Variants in PTPRG observed in about 807,000 individuals in gnomAD.
PTPRG encodes protein tyrosine phosphatase receptor type G.
A neutral mutation model predicts 165.3 loss-of-function variants in PTPRG; 102 were observed. The observed-to-expected ratio is 0.62, with a 90% CI of 0.53 to 0.73. The LOEUF is 0.73. Among genes scored for constraint, PTPRG ranks in the 30% least tolerant of loss-of-function variants. The pLI is 0.00. For missense variants in PTPRG, 1,866 were observed against 1,861.4 expected (o/e 1.00, Z -0.05); for synonymous variants, 675 against 669.5 (o/e 1.01, Z -0.13).
rs1701520403 is a variant in PTPRG, at chr3:62,255,630, T to C, written c.2559+415T>C. On this transcript the variant is annotated intron_variant, in intron 16 of 29. Transcript: ENST00000474889. The surrounding 1 kb of genome is among the most constrained non-coding windows in gnomAD (Gnocchi z 4.0). ...AACTGGGTGCTGGCTTCATCAGTAGTGAGCTTCATAATCCTCAGACCAATC... is the reference window on the plus strand; with the variant it reads ...AACTGGGTGCTGGCTTCATCAGTAGCGAGCTTCATAATCCTCAGACCAATC... Among the ~76,000 whole-genome samples, 1 of 152,140 alleles carries C rather than the reference T, an allele frequency of 6.6e-6. No individual in the cohort carries two copies. Among genetic ancestry groups the C allele is most frequent in the Admixed American group, 6.6e-5 (1 of 15,258 alleles).
At chr3:62,253,818 G>T (rs1180256328) in intron 15 of PTPRG, among the ~76,000 whole-genome samples, 1 of 152,142 alleles carries the variant, frequency 6.6e-6, no homozygotes, top group African/African-American at 2.4e-5. Flanking sequence ...CTATTAACAT[G>T]ATTAGGACTT....
chr3:62,206,776 TACA>T (rs1472157777), intron 12 of PTPRG, among the ~76,000 whole-genome samples: 4 of 151,086 alleles, frequency 2.6e-5, no homozygotes, highest in African/African-American at 9.7e-5. Context: ...CTAGAAAAAA[TACA>T]ACAATTAGCA....
At chr3:61,907,319 G>C (rs1030767479) in intron 2 of PTPRG, among the ~76,000 whole-genome samples, 1 of 152,026 alleles carries the variant, frequency 6.6e-6, no homozygotes, top group African/African-American at 2.4e-5. Context: ...TGGATCCAAA[G>C]GCACATGGTC....
intron 4 of PTPRG, among the ~76,000 whole-genome samples, chr3:62,007,205 T>G (rs947793246): frequency 1.3e-5 from 2 of 152,226 alleles, no homozygotes; most frequent in East Asian, 3.8e-4. Context: ...AACTCAACTT[T>G]GTAGGTTTTG....
At chr3:61,717,186 C>G (rs2031845555) in intron 1 of PTPRG, among the ~76,000 whole-genome samples, 1 of 151,910 alleles carries the variant, frequency 6.6e-6, no homozygotes, top group Admixed American at 6.6e-5. Context: ...TTTTTTCTGC[C>G]TTGTGTGGTT....
At chr3:62,021,435 T>G (rs1457732512) in intron 4 of PTPRG, among the ~76,000 whole-genome samples, 1 of 152,238 alleles carries the variant, frequency 6.6e-6, no homozygotes, top group Non-Finnish European at 1.5e-5. Context: ...TCAGAACATC[T>G]GACATTTTCA....
intron 1 of PTPRG, among the ~76,000 whole-genome samples, chr3:61,587,993 G>T (rs1411340186): frequency 3.3e-5 from 5 of 151,526 alleles, no homozygotes; most frequent in Admixed American, 2.0e-4. Flanking sequence ...TCTGGTCCAG[G>T]ATCCAAATCC....
chr3:62,174,130 T>C (rs73098523), intron 8 of PTPRG, among the ~76,000 whole-genome samples: 11,828 of 152,294 alleles, frequency 0.078, 757 homozygotes, highest in East Asian at 0.35. Context: ...TTCTGCAGCA[T>C]ATCCCGGGTA....
At chr3:61,807,713 T>C (rs2035458194) in intron 2 of PTPRG, among the ~76,000 whole-genome samples, 1 of 152,236 alleles carries the variant, frequency 6.6e-6, no homozygotes, top group South Asian at 2.1e-4. Context: ...TGTAAGGGTA[T>C]GTGTGTGTAC....
At chr3:61,599,868 G>GAAT (rs1482244089) in intron 1 of PTPRG, among the ~76,000 whole-genome samples, 2 of 151,960 alleles carry the variant, frequency 1.3e-5, no homozygotes, top group Non-Finnish European at 2.9e-5. Flanking sequence ...TAATAGAATA[G>GAAT]AATAGAATGG....
chr3:61,738,322 A>ATATATGTGTATATATATATG (rs1228059953), intron 1 of PTPRG, among the ~76,000 whole-genome samples: 4 of 46,738 alleles, frequency 8.6e-5, no homozygotes, highest in Non-Finnish European at 1.5e-4. Flanking sequence ...ACATATATAT[A>ATATATGTGTATATATATATG]TATATATATA....
chr3:61,971,817 C>A (rs753911592), intron 2 of PTPRG, among the ~76,000 whole-genome samples: 11 of 152,146 alleles, frequency 7.2e-5, no homozygotes, highest in Non-Finnish European at 1.5e-4. Context: ...ATAAATTATA[C>A]CTCAATAGAG....
intron 2 of PTPRG, among the ~76,000 whole-genome samples, chr3:61,797,405 C>T (rs183108460): frequency 5.9e-5 from 9 of 152,066 alleles, no homozygotes; most frequent in South Asian, 2.1e-4. Context: ...TTATGGGAGC[C>T]GCATTGGTCT....
chr3:61,649,003 CAT>C (rs1464729200), intron 1 of PTPRG, among the ~76,000 whole-genome samples: 2 of 152,160 alleles, frequency 1.3e-5, no homozygotes, highest in African/African-American at 2.4e-5. Context: ...AAAGAACAGT[CAT>C]ATGTGAGTTT....
intron 2 of PTPRG, among the ~76,000 whole-genome samples, chr3:61,916,229 T>A (rs1303717942): frequency 6.6e-6 from 1 of 152,186 alleles, no homozygotes; most frequent in Non-Finnish European, 1.5e-5. Context: ...ATTTGTAAAT[T>A]GAGTTTTTCA....
chr3:62,094,066 A>G (rs6445256), intron 5 of PTPRG, among the ~76,000 whole-genome samples: 9,812 of 152,212 alleles, frequency 0.064, 492 homozygotes, highest in African/African-American at 0.15. Context: ...TCAAACCTGT[A>G]AAGTAGGGAC....
At chr3:62,088,898 T>C (rs755454511) in intron 5 of PTPRG, among the ~76,000 whole-genome samples, 5 of 152,222 alleles carry the variant, frequency 3.3e-5, no homozygotes, top group Non-Finnish European at 5.9e-5. Flanking sequence ...GGGTTACTGT[T>C]GTCTCTTGCG....
At chr3:61,579,510 A>C (rs1700235738) in intron 1 of PTPRG, among the ~76,000 whole-genome samples, 1 of 152,232 alleles carries the variant, frequency 6.6e-6, no homozygotes, top group South Asian at 2.1e-4. Context: ...GGGGCTGGAC[A>C]CACTTTATCT....
At chr3:61,750,838 G>A (rs1310019295) in intron 2 of PTPRG, 1 of 151,974 alleles carries the variant, frequency 6.6e-6, no homozygotes, top group Non-Finnish European at 1.5e-5. Flanking sequence ...AACCATTCTT[G>A]CTTTGCAGGC....
Sources: gnomAD v4.1 joint callset for allele counts (sites outside exome capture counted in the v4.1 genomes callset) on GRCh38, gnomAD v4.1.1 for gene constraint, Gnocchi (gnomAD v3.1) non-coding constraint, MANE v1.5 for transcripts, NCBI Gene and HGNC (gene_info 2026-07-23, HGNC 2026-07-21) for gene names.